CCDC178: variants seen among roughly 807,000 people sequenced by gnomAD.
The protein encoded by CCDC178 is coiled-coil domain-containing protein 178.
A neutral mutation model predicts 117.4 loss-of-function variants in CCDC178; 126 were observed. The ratio of observed to expected loss-of-function variants is 1.07; its 90% CI spans 0.93 to 1.24. The LOEUF is 1.24. Ranked by LOEUF, CCDC178 falls within the 50% of genes most tolerant of loss-of-function variation. CCDC178 has a pLI of 0.00. For missense variants in CCDC178, 1,030 were observed against 986.9 expected, an observed-to-expected ratio of 1.04 and a Z score of -0.59; for synonymous variants, 283 against 313.4, an observed-to-expected ratio of 0.90 and a Z score of 1.02.
chr18:33,206,063 C>A (rs1049938441), intron 20 of CCDC178, among the ~76,000 whole-genome samples: 1 of 152,128 alleles, frequency 6.6e-6, no homozygotes, highest in South Asian at 2.1e-4. Context: ...CCACTTTCAA[C>A]CTGGGGAGAT....
chr18:33,194,918 A>AAG (rs1035551060), intron 20 of CCDC178, among the ~76,000 whole-genome samples: 24 of 144,304 alleles, frequency 1.7e-4, no homozygotes, highest in African/African-American at 3.8e-4. Flanking sequence ...AAAAAAAAAA[A>AAG]AGAGAGAGAG....
rs900082510 is a variant in CCDC178 at position 33,179,267 on chromosome 18, A to C, written c.2238+32629T>G. ...GTTAATCATTACAGTTTTGTAAAAA[A>C]TATAGATGTAGAGAGAAAAAGAGCA... On this transcript the variant is annotated intron_variant, in intron 20 of 22. Coordinates refer to ENST00000383096, the MANE Select transcript of CCDC178 (RefSeq NM_001105528.4). 2.0e-5 allele frequency among the ~76,000 whole-genome samples: 3 copies of C among 150,320 alleles called. No individual in the cohort carries two copies. In the Admixed American group the frequency reaches 2.0e-4, roughly 10 times the overall value.
intron 22 of CCDC178, among the ~76,000 whole-genome samples, chr18:32,949,941 G>A (rs916452196): frequency 3.9e-5 from 6 of 152,074 alleles, no homozygotes; most frequent in Admixed American, 1.3e-4. Flanking sequence ...ATAGAATTAC[G>A]TTAGCATACG....
At chr18:33,337,271 G>A (rs1466585417) in intron 9 of CCDC178, among the ~76,000 whole-genome samples, 1 of 151,702 alleles carries the variant, frequency 6.6e-6, no homozygotes, top group Non-Finnish European at 1.5e-5. Flanking sequence ...CTGAAACTCT[G>A]CTGAATTAAT....
chr18:33,133,301 T>C (rs2058088189), intron 20 of CCDC178, among the ~76,000 whole-genome samples: 1 of 151,886 alleles, frequency 6.6e-6, no homozygotes, highest in Non-Finnish European at 1.5e-5. Context: ...TATTAATCTT[T>C]TAATAGAATT....
chr18:33,095,552 T>C (rs376828716), intron 20 of CCDC178, among the ~76,000 whole-genome samples: 1 of 152,028 alleles, frequency 6.6e-6, no homozygotes, highest in African/African-American at 2.4e-5. Flanking sequence ...CTAAGAGATG[T>C]TGCACTGCGA....
intron 20 of CCDC178, among the ~76,000 whole-genome samples, chr18:33,175,850 C>A (rs1342384267): frequency 6.6e-6 from 1 of 152,202 alleles, no homozygotes; most frequent in Non-Finnish European, 1.5e-5. Context: ...TGGAATAACA[C>A]ACTTTGCTTC....
intron 12 of CCDC178, among the ~76,000 whole-genome samples, chr18:33,270,492 C>A (rs1321546835): frequency 2.0e-5 from 3 of 151,416 alleles, no homozygotes; most frequent in African/African-American, 7.3e-5. Context: ...CTGGAAGCAA[C>A]AAGAGAAAAG....
intron 20 of CCDC178, among the ~76,000 whole-genome samples, chr18:33,151,326 AC>A (rs2058339326): frequency 6.6e-6 from 1 of 152,184 alleles, no homozygotes; most frequent in African/African-American, 2.4e-5. Flanking sequence ...TGAAAAAAAT[AC>A]ATATCTACAG....
intron 21 of CCDC178, among the ~76,000 whole-genome samples, chr18:33,064,306 C>T (rs1328533301): frequency 3.3e-5 from 5 of 151,988 alleles, no homozygotes; most frequent in Non-Finnish European, 5.9e-5. Context: ...ATAAATGAGA[C>T]AAAAATTGTG....
At chr18:32,952,116 C>CA (rs764119586) in intron 22 of CCDC178, among the ~76,000 whole-genome samples, 2 of 152,160 alleles carry the variant, frequency 1.3e-5, no homozygotes, top group Non-Finnish European at 2.9e-5. Context: ...GTGGCTTTTC[C>CA]AGGCACATGC....
rs75462509 is a variant in CCDC178, at chr18:33,001,010, C to A, written c.2389-26329G>T. Among the ~76,000 whole-genome samples the A allele has an allele frequency of 9.3e-3, 1,412 of 152,090 alleles. 23 individuals carry two copies. Among genetic ancestry groups the A allele is most frequent in the African/African-American group, 0.033 (1,356 of 41,474 alleles). ...AACTGATCAAAAATAATAACTACGA[C>A]AATTTTTCAAGACAGCATAATAAGA... On this transcript the variant is annotated intron_variant, in intron 21 of 22. Transcript: ENST00000383096.
chr18:33,296,380 TATA>T (rs1309964864), intron 11 of CCDC178, among the ~76,000 whole-genome samples: 12 of 151,844 alleles, frequency 7.9e-5, no homozygotes, highest in East Asian at 1.9e-4. Context: ...TAAAATGGCA[TATA>T]ATAATAAACA....
At chr18:33,293,412 G>A in intron 11 of CCDC178, 100 bp from the exon 12 acceptor site, 1 of 668,180 alleles carries the variant, frequency 1.5e-6, no homozygotes, top group Non-Finnish European at 2.3e-6. Flanking sequence ...TGTAATCTCA[G>A]CACTTTGGGA....
intron 9 of CCDC178, among the ~76,000 whole-genome samples, chr18:33,342,303 A>G (rs933737816): frequency 6.6e-6 from 1 of 151,962 alleles, no homozygotes; most frequent in Non-Finnish European, 1.5e-5. Flanking sequence ...TGAGATTACT[A>G]TGAAATATGT....
chr18:33,437,826 T>C (rs1488306862), intron 2 of CCDC178: 1 of 152,086 alleles, frequency 6.6e-6, no homozygotes, highest in Admixed American at 6.6e-5. Flanking sequence ...ATTGTGAGGG[T>C]TAAAATAAGA....
intron 4 of CCDC178, among the ~76,000 whole-genome samples, chr18:33,396,598 A>G (rs1238393933): frequency 1.3e-5 from 2 of 152,200 alleles, no homozygotes; most frequent in East Asian, 3.8e-4. Flanking sequence ...AAGGATAAAG[A>G]TAACAAGTAA....
intron 21 of CCDC178, among the ~76,000 whole-genome samples, chr18:33,083,316 C>A (rs1320548209): frequency 2.0e-5 from 3 of 152,166 alleles, no homozygotes; most frequent in African/African-American, 4.8e-5. Context: ...GTTGAAAACA[C>A]CATTTGTGCA....
At chr18:33,439,747 A>G (rs2064352151) in intron 2 of CCDC178, among the ~76,000 whole-genome samples, 1 of 152,228 alleles carries the variant, frequency 6.6e-6, no homozygotes, top group Non-Finnish European at 1.5e-5. Context: ...GCCCAGAGCA[A>G]TCAATACACA....
Sources: gnomAD v4.1 joint callset for allele counts (sites outside exome capture counted in the v4.1 genomes callset) on GRCh38, gnomAD v4.1.1 for gene constraint, MANE v1.5 for transcripts, NCBI Gene and HGNC (gene_info 2026-07-23, HGNC 2026-07-21) for gene names.